The following KALRN variants were observed in gnomAD, a reference collection of about 807,000 sequenced individuals.
KALRN encodes the protein kalirin RhoGEF kinase, also known as kalirin.
In KALRN, 70 loss-of-function variants were observed where a neutral mutation model predicts 353.7. The observed-to-expected ratio is 0.20, with a 90% CI of 0.16 to 0.24. The LOEUF is 0.24. Among genes scored for constraint, KALRN ranks in the 10% least tolerant of loss-of-function variants. The probability of loss-of-function intolerance (pLI) is 1.00; values close to 1 mark genes in which losing one functional copy is unlikely to be tolerated. For missense variants in KALRN, 2,791 were observed against 3,756.7 expected, an observed-to-expected ratio of 0.74 and a Z score of 6.72; for synonymous variants, 1,391 against 1,434.8, an observed-to-expected ratio of 0.97 and a Z score of 0.69.
intron 5 of KALRN, among the ~76,000 whole-genome samples, chr3:124,275,508 T>G (rs956816024): frequency 2.0e-5 from 3 of 152,202 alleles, no homozygotes; most frequent in Non-Finnish European, 4.4e-5. Context: ...GTTTGTTTGT[T>G]TGCTTAAAAA....
intron 37 of KALRN, among the ~76,000 whole-genome samples, chr3:124,649,965 AAAT>A (rs71145473): frequency 0.27 from 38,833 of 143,176 alleles, 5,965 homozygotes; most frequent in East Asian, 0.71. Flanking sequence ...CTCTAAAATA[AAAT>A]AATAATAATA....
At chr3:124,578,208 T>C (rs1430633182) in intron 34 of KALRN, among the ~76,000 whole-genome samples, 1 of 152,232 alleles carries the variant, frequency 6.6e-6, no homozygotes, top group East Asian at 1.9e-4. Flanking sequence ...TTACAAATAG[T>C]AAATATTCCA....
At chr3:124,414,463 C>T (rs889186986) in intron 14 of KALRN, among the ~76,000 whole-genome samples, 1 of 152,186 alleles carries the variant, frequency 6.6e-6, no homozygotes, top group Admixed American at 6.5e-5. Context: ...TGAGTATAAA[C>T]AGTGATGATA....
At chr3:124,536,343 A>G (rs1196968289) in intron 33 of KALRN, among the ~76,000 whole-genome samples, 1 of 151,982 alleles carries the variant, frequency 6.6e-6, no homozygotes, top group Non-Finnish European at 1.5e-5. Context: ...CTGGGATTAC[A>G]GGCATGAGCC....
intron 3 of KALRN, among the ~76,000 whole-genome samples, chr3:124,249,529 C>T (rs987483904): frequency 6.6e-6 from 1 of 152,106 alleles, no homozygotes; most frequent in African/African-American, 2.4e-5. Context: ...GGCTCAGGGT[C>T]CTCCAGCTGG....
At chr3:124,054,382 T>TAAAAATAAAAATA (rs368296269) in intron 1 of KALRN, among the ~76,000 whole-genome samples, 1 of 147,016 alleles carries the variant, frequency 6.8e-6, no homozygotes, top group African/African-American at 2.5e-5. Context: ...AAAATAAAAA[T>TAAAAATAAAAATA]AAAATAAAAT....
At chr3:124,718,287 A>AT (rs1370710892) in intron 59 of KALRN, among the ~76,000 whole-genome samples, 2 of 151,058 alleles carry the variant, frequency 1.3e-5, no homozygotes, top group Non-Finnish European at 2.9e-5. Flanking sequence ...TGCCTGGCTA[A>AT]TTTTTTTGTA....
At chr3:124,330,856 A>G (rs968906935) in intron 8 of KALRN, among the ~76,000 whole-genome samples, 1 of 152,056 alleles carries the variant, frequency 6.6e-6, no homozygotes, top group South Asian at 2.1e-4. Context: ...CCTGCATCGG[A>G]CTCACCTGAT....
rs57449940 is a variant in KALRN, at chr3:124,388,658, C to T, written c.1962+3622C>T. Among the ~76,000 whole-genome samples the T allele has an allele frequency of 4.9e-3, 752 of 152,256 alleles. 6 individuals carry two copies. Among genetic ancestry groups the T allele is most frequent in the African/African-American group, 0.018 (735 of 41,562 alleles). On this transcript the variant is annotated intron_variant, in intron 11 of 59. Coordinates refer to ENST00000682506, the MANE Select transcript of KALRN (RefSeq NM_001388419.1). ...ATTTTAATCTACTGCAGTTCTTTGA[C>T]TTGAGCTCTCCAGATATTGTAAATA...
chr3:124,702,305 A>T (rs940370676), intron 57 of KALRN, among the ~76,000 whole-genome samples, 189 bp downstream of exon 57: 1 of 152,176 alleles, frequency 6.6e-6, no homozygotes, highest in Non-Finnish European at 1.5e-5. Context: ...TGGATGCTTC[A>T]TTCATCAGTT....
intron 1 of KALRN, among the ~76,000 whole-genome samples, chr3:124,113,028 A>T (rs540196596): frequency 5.3e-5 from 8 of 152,326 alleles, no homozygotes; most frequent in Middle Eastern, 6.8e-3. Flanking sequence ...AAGGAAAAAT[A>T]GTTAATAAAT....
intron 34 of KALRN, among the ~76,000 whole-genome samples, chr3:124,630,092 T>C (rs1348353760): frequency 1.3e-5 from 2 of 152,232 alleles, no homozygotes; most frequent in Admixed American, 6.5e-5. Flanking sequence ...GGCTTTCTTT[T>C]GAATAACTCA....
intron 1 of KALRN, among the ~76,000 whole-genome samples, chr3:124,087,715 G>A (rs1234833351): frequency 6.6e-6 from 1 of 152,110 alleles, no homozygotes; most frequent in African/African-American, 2.4e-5. Flanking sequence ...GCTTCCTCTG[G>A]TGGCTGGGAG....
chr3:124,550,853 G>C (rs370390377), intron 33 of KALRN, among the ~76,000 whole-genome samples: 10 of 152,208 alleles, frequency 6.6e-5, no homozygotes, highest in African/African-American at 2.2e-4. Context: ...GCCGGGCGTG[G>C]TGGTGGGCGC....
intron 33 of KALRN, among the ~76,000 whole-genome samples, chr3:124,534,342 G>T (rs780855530): frequency 6.6e-6 from 1 of 152,178 alleles, no homozygotes; most frequent in East Asian, 1.9e-4. Flanking sequence ...ATGGGCACAG[G>T]AGGGGTAACA....
At chr3:124,424,993 G>A (rs777725650) in intron 15 of KALRN, among the ~76,000 whole-genome samples, 1 of 152,070 alleles carries the variant, frequency 6.6e-6, no homozygotes, top group South Asian at 2.1e-4. Flanking sequence ...GTGGTCCCAG[G>A]AGAAATAGAA....
intron 10 of KALRN, among the ~76,000 whole-genome samples, chr3:124,366,581 T>G (rs1200180578): frequency 1.3e-5 from 2 of 150,320 alleles, no homozygotes; most frequent in Admixed American, 6.6e-5. Context: ...CAGAACAAAA[T>G]GAAAAGTCTC....
chr3:124,391,844 A>G (rs1187261975), intron 11 of KALRN, among the ~76,000 whole-genome samples: 1 of 152,162 alleles, frequency 6.6e-6, no homozygotes, highest in African/African-American at 2.4e-5. Flanking sequence ...TAGAACTATC[A>G]AGACTTTTTA....
chr3:124,580,773 C>T (rs1056462287), intron 34 of KALRN, among the ~76,000 whole-genome samples: 6 of 151,976 alleles, frequency 3.9e-5, no homozygotes, highest in African/African-American at 9.7e-5. Context: ...GATGAATTAA[C>T]GAGTAGGTCC....
Sources: gnomAD v4.1 joint callset for allele counts (sites outside exome capture counted in the v4.1 genomes callset) on GRCh38, gnomAD v4.1.1 for gene constraint, MANE v1.5 for transcripts, NCBI Gene and HGNC (gene_info 2026-07-23, HGNC 2026-07-21) for gene names.